Variants in LRRIQ1 observed in about 807,000 individuals in gnomAD.
The protein encoded by LRRIQ1 is leucine rich repeats and IQ motif containing 1, also known as leucine-rich repeat- and IQ domain-containing protein 1.
Under a neutral mutation model 211.9 loss-of-function variants are expected in LRRIQ1, and 210 were observed. The observed-to-expected ratio is 0.99, with a 90% CI of 0.89 to 1.11. The LOEUF is 1.11. Ranked by LOEUF, LRRIQ1 falls within the 50% of genes most tolerant of loss-of-function variation. The pLI is 0.00. For synonymous variants in LRRIQ1, 699 were observed against 650.1 expected, an observed-to-expected ratio of 1.08 and a Z score of -1.14; for missense variants, 2,136 against 1,939.5, an observed-to-expected ratio of 1.10 and a Z score of -1.90.
At chr12:85,211,243 A>C (rs1231795410) in intron 24 of LRRIQ1, among the ~76,000 whole-genome samples, 6 of 152,228 alleles carry the variant, frequency 3.9e-5, no homozygotes, top group Non-Finnish European at 8.8e-5. Context: ...GGATGAATAC[A>C]TGGAATTATA....
intron 7 of LRRIQ1, among the ~76,000 whole-genome samples, chr12:85,054,807 T>C (rs528780294): frequency 6.6e-6 from 1 of 152,246 alleles, no homozygotes; most frequent in East Asian, 1.9e-4. Flanking sequence ...GTTTATTTAA[T>C]AGTTTGATTT....
At chr12:85,196,527 T>C (rs1892921870) in intron 24 of LRRIQ1, among the ~76,000 whole-genome samples, 2 of 151,868 alleles carry the variant, frequency 1.3e-5, no homozygotes, top group Admixed American at 1.3e-4. Context: ...ACACCACATA[T>C]CTACAACTAT....
intron 19 of LRRIQ1, among the ~76,000 whole-genome samples, chr12:85,147,735 G>A (rs531018407): frequency 5.3e-5 from 8 of 150,326 alleles, no homozygotes; most frequent in East Asian, 3.9e-4. Context: ...ATGAGAAACC[G>A]AATGCTACTG....
At chr12:85,207,630 A>G (rs1289086933) in intron 24 of LRRIQ1, among the ~76,000 whole-genome samples, 1 of 152,122 alleles carries the variant, frequency 6.6e-6, no homozygotes, top group African/African-American at 2.4e-5. Context: ...GTCCTGTGTT[A>G]TCTCCTAGTA....
chr12:85,180,222 G>T (rs1891909297), intron 24 of LRRIQ1, among the ~76,000 whole-genome samples: 1 of 151,808 alleles, frequency 6.6e-6, no homozygotes, highest in African/African-American at 2.4e-5. Context: ...CAACTGTGAG[G>T]TTATGGACCC....
chr12:85,082,014 T>TGCAG (rs1468568473), intron 11 of LRRIQ1, among the ~76,000 whole-genome samples: 1 of 152,122 alleles, frequency 6.6e-6, no homozygotes, highest in Non-Finnish European at 1.5e-5. Flanking sequence ...TGAGCCACTG[T>TGCAG]GCAGGGCCTC....
chr12:85,057,230 C>T (rs369913254), intron 8 of LRRIQ1, 46 bp downstream of exon 8: 1 of 1,226,696 alleles, frequency 8.2e-7, no homozygotes. Context: ...TTACAATTAG[C>T]TCTTTAAAGT....
At chr12:85,127,337 T>C (rs1259822821) in intron 17 of LRRIQ1, among the ~76,000 whole-genome samples, 2 of 152,198 alleles carry the variant, frequency 1.3e-5, no homozygotes, top group African/African-American at 2.4e-5. Flanking sequence ...AATTTAACTG[T>C]TTGTGGGCAG....
At chr12:85,219,544 A>G (rs1464540244) in intron 24 of LRRIQ1, among the ~76,000 whole-genome samples, 1 of 152,118 alleles carries the variant, frequency 6.6e-6, no homozygotes, top group Non-Finnish European at 1.5e-5. Context: ...CAATTTTGAG[A>G]ATGAATTCAA....
intron 23 of LRRIQ1, among the ~76,000 whole-genome samples, chr12:85,155,049 A>G (rs1368921628): frequency 6.6e-6 from 1 of 151,396 alleles, no homozygotes; most frequent in Non-Finnish European, 1.5e-5. Flanking sequence ...TAAATGTTGC[A>G]AAAGTGCTTT....
intron 19 of LRRIQ1, among the ~76,000 whole-genome samples, chr12:85,140,713 GT>G (rs1889478820): frequency 6.6e-6 from 1 of 151,086 alleles, no homozygotes; most frequent in African/African-American, 2.4e-5. Flanking sequence ...TAAGTAAGAT[GT>G]TTCCTATAGG....
chr12:85,037,861 A>G (rs1364223536), intron 1 of LRRIQ1, among the ~76,000 whole-genome samples: 1 of 152,054 alleles, frequency 6.6e-6, no homozygotes, highest in African/African-American at 2.4e-5. Flanking sequence ...ATATGTATTA[A>G]TAACTGAAAC....
At chr12:85,099,039 A>G (rs1280944738) in intron 13 of LRRIQ1, 45 bp downstream of exon 13, 2 of 1,350,634 alleles carry the variant, frequency 1.5e-6, no homozygotes, top group Non-Finnish European at 1.0e-6. Flanking sequence ...GATTGTTTAA[A>G]ATAAATATGT....
chr12:85,257,984 G>A (rs899403594), intron 1 of LRRIQ1, among the ~76,000 whole-genome samples: 1 of 151,714 alleles, frequency 6.6e-6, no homozygotes, highest in African/African-American at 2.4e-5. Flanking sequence ...CAGCCTCAGA[G>A]ATTCAAATGT....
At chr12:85,148,376 C>T (rs1026330648) in intron 19 of LRRIQ1, among the ~76,000 whole-genome samples, 37 of 151,822 alleles carry the variant, frequency 2.4e-4, no homozygotes, top group Admixed American at 3.3e-4. Context: ...GTTCAACTCC[C>T]GTTTATGAGT....
intron 19 of LRRIQ1, among the ~76,000 whole-genome samples, chr12:85,143,710 A>G (rs1435566926): frequency 6.6e-6 from 1 of 151,502 alleles, no homozygotes; most frequent in Admixed American, 6.6e-5. Flanking sequence ...TCTTTTTTAT[A>G]AATTCCATTT....
intron 24 of LRRIQ1, among the ~76,000 whole-genome samples, chr12:85,196,536 A>G (rs1892922597): frequency 6.6e-6 from 1 of 151,908 alleles, no homozygotes; most frequent in Admixed American, 6.6e-5. Context: ...ATCTACAACT[A>G]TCTGATCTTT....
intron 15 of LRRIQ1, among the ~76,000 whole-genome samples, chr12:85,117,394 A>G (rs1249634922): frequency 6.6e-6 from 1 of 152,212 alleles, no homozygotes; most frequent in Admixed American, 6.5e-5. Flanking sequence ...CTATTTAACT[A>G]GAAATTATTA....
chr12:85,161,402 T>A (rs1265513282), intron 24 of LRRIQ1, among the ~76,000 whole-genome samples: 1 of 152,124 alleles, frequency 6.6e-6, no homozygotes. Flanking sequence ...ACTACTTTTT[T>A]AGTATAAAAT....
Sources: allele counts gnomAD v4.1 joint callset (sites outside exome capture counted in the v4.1 genomes callset), GRCh38; gene constraint gnomAD v4.1.1; transcripts MANE v1.5; gene names NCBI Gene and HGNC (gene_info 2026-07-23, HGNC 2026-07-21).